Variants in DNMBP observed in about 807,000 individuals in gnomAD.
DNMBP encodes dynamin binding protein.
In DNMBP, 87 loss-of-function variants were observed where a neutral mutation model predicts 150.0. That is an observed-to-expected ratio of 0.58 (90% CI 0.49 to 0.69). The LOEUF is 0.69. DNMBP is among the 30% of genes least tolerant of loss of function. The pLI is 0.00. For missense variants in DNMBP, 1,774 were observed against 1,949.0 expected, an observed-to-expected ratio of 0.91 and a Z score of 1.69; for synonymous variants, 711 against 750.4, an observed-to-expected ratio of 0.95 and a Z score of 0.86.
At chr10:99,982,905 T>C (rs1011767561) in intron 1 of DNMBP, among the ~76,000 whole-genome samples, 7 of 150,636 alleles carry the variant, frequency 4.6e-5, no homozygotes, top group African/African-American at 7.3e-5. Flanking sequence ...GAAGTGGAGG[T>C]TGCAGCAAGC....
intron 1 of DNMBP, among the ~76,000 whole-genome samples, chr10:99,988,204 G>C (rs2133373824): frequency 6.6e-6 from 1 of 152,282 alleles, no homozygotes; most frequent in African/African-American, 2.4e-5. Flanking sequence ...TTGCATTCCT[G>C]GGATAAATTC....
At chr10:99,969,081 T>C (rs2040649188) in intron 3 of DNMBP, 34 bp downstream of exon 3, 3 of 1,606,936 alleles carry the variant, frequency 1.9e-6, no homozygotes, top group South Asian at 1.1e-5. Flanking sequence ...AAAAATCTAA[T>C]TTCAAATAGT....
intron 4 of DNMBP, among the ~76,000 whole-genome samples, chr10:99,911,456 C>A (rs2039897992): frequency 6.6e-6 from 1 of 152,016 alleles, no homozygotes; most frequent in African/African-American, 2.4e-5. Context: ...GCACTCCAGC[C>A]TGGGAGAACA....
chr10:99,879,531 G>A (rs2133186840), intron 16 of DNMBP, among the ~76,000 whole-genome samples: 1 of 152,310 alleles, frequency 6.6e-6, no homozygotes, highest in East Asian at 1.9e-4. Context: ...TACAACTGAA[G>A]AATTAGTGAA....
chr10:99,936,128 T>C (rs527979920), intron 4 of DNMBP, among the ~76,000 whole-genome samples: 2 of 152,334 alleles, frequency 1.3e-5, no homozygotes, highest in South Asian at 4.1e-4. Flanking sequence ...GAATAGCTTA[T>C]AATCAGATAA....
At chr10:99,945,926 T>C (rs760739005) in intron 4 of DNMBP, among the ~76,000 whole-genome samples, 1 of 152,220 alleles carries the variant, frequency 6.6e-6, no homozygotes, top group Non-Finnish European at 1.5e-5. Flanking sequence ...TGAGACAACA[T>C]GCAACCGAAC....
chr10:99,947,675 C>T (rs901420151), intron 4 of DNMBP, among the ~76,000 whole-genome samples: 3 of 152,110 alleles, frequency 2.0e-5, no homozygotes, highest in Non-Finnish European at 4.4e-5. Flanking sequence ...CAGCATTACA[C>T]AATATACCCT....
intron 3 of DNMBP, among the ~76,000 whole-genome samples, chr10:99,958,722 T>G (rs1027632790): frequency 2.6e-5 from 4 of 152,264 alleles, no homozygotes; most frequent in Non-Finnish European, 4.4e-5. Context: ...GGTCAACATT[T>G]GGAATAACTG....
At chr10:99,957,279 C>G (rs1288017640) in intron 3 of DNMBP, 74 bp from the exon 4 acceptor site, 8 of 1,323,524 alleles carry the variant, frequency 6.0e-6, no homozygotes, top group Non-Finnish European at 8.2e-6. Context: ...AATAGTGCAA[C>G]CTCTCATTTT....
Position 99,956,249 on chromosome 10 carries a change from C to T in DNMBP, c.1225G>A (p.Val409Ile), listed in dbSNP as rs1275548220. 2 of 1,613,594 alleles carry T rather than the reference C, an allele frequency of 1.2e-6. No homozygotes were observed. The highest frequency in any genetic ancestry group is 2.7e-5 in the African/African-American group (2 of 74,782). The change falls in exon 4 of 17, where the codon GTC becomes ATC. Residue 409 changes from valine (V) to isoleucine (I), a missense_variant. Coordinates refer to ENST00000324109, the MANE Select transcript of DNMBP (RefSeq NM_015221.4). ...DSPTSDPTEV[V>I]NGISSQPQVP... ...TGAGGTTGGGAGGAAATACCATTGA[C>T]TACTTCTGTAGGGTCAGATGTGGGA...
At chr10:99,944,889 G>C (rs2040340254) in intron 4 of DNMBP, among the ~76,000 whole-genome samples, 1 of 152,012 alleles carries the variant, frequency 6.6e-6, no homozygotes, top group Non-Finnish European at 1.5e-5. Context: ...ATTTGGATCA[G>C]TCTCTCATAG....
intron 4 of DNMBP, among the ~76,000 whole-genome samples, chr10:99,922,493 G>A (rs1589419703): frequency 7.2e-6 from 1 of 138,790 alleles, no homozygotes; most frequent in African/African-American, 2.7e-5. Context: ...ACATAACCTA[G>A]CTGCTGCTGT....
At position 99,971,963 on chromosome 10, in the gene DNMBP, A is replaced by G; in HGVS notation, c.145+17T>C. 2 of 1,608,850 alleles carry G rather than the reference A, an allele frequency of 1.2e-6. No homozygotes were observed. The highest frequency in any genetic ancestry group is 8.5e-7 in the Non-Finnish European group (1 of 1,178,184). ...AAGAAGTCAGGGCCTGTGGTCCACT[A>G]TGAGTCTCTTACTTACCTGTAACAT... On this transcript the variant is annotated intron_variant, in intron 2 of 16. Coordinates refer to ENST00000324109, the MANE Select transcript of DNMBP (RefSeq NM_015221.4).
At chr10:99,948,576 A>G (rs1185731124) in intron 4 of DNMBP, among the ~76,000 whole-genome samples, 1 of 152,166 alleles carries the variant, frequency 6.6e-6, no homozygotes, top group African/African-American at 2.4e-5. Context: ...AAAAATGAGA[A>G]CCCATGTGAC....
chr10:99,906,531 G>A (rs562418321), intron 6 of DNMBP, among the ~76,000 whole-genome samples: 1 of 152,176 alleles, frequency 6.6e-6, no homozygotes, highest in Admixed American at 6.5e-5. Context: ...TCAGGTTATA[G>A]AAGACTCTGT....
At chr10:99,991,616 T>C (rs1463847377) in intron 1 of DNMBP, among the ~76,000 whole-genome samples, 1 of 151,290 alleles carries the variant, frequency 6.6e-6, no homozygotes, top group Non-Finnish European at 1.5e-5. Context: ...CATGAAGACC[T>C]TGAAAACATT....
intron 11 of DNMBP, among the ~76,000 whole-genome samples, chr10:99,892,961 T>G (rs1247448647): frequency 1.3e-5 from 2 of 152,174 alleles, no homozygotes; most frequent in African/African-American, 4.8e-5. Context: ...CAAAGGACTA[T>G]ATCCTCCAAT....
intron 4 of DNMBP, among the ~76,000 whole-genome samples, chr10:99,947,177 A>G (rs2040366454): frequency 6.6e-6 from 1 of 152,222 alleles, no homozygotes; most frequent in African/African-American, 2.4e-5. Context: ...TAAGGGGCTA[A>G]AAGTAGAACT....
At position 99,884,126 on chromosome 10, in the gene DNMBP, C is replaced by T. The variant is rs1346196329; in HGVS notation, c.3882G>A (p.Arg1294=). Residue 1294 remains arginine, a synonymous_variant, in exon 15 of 17, where the codon CGG becomes CGA. Coordinates refer to ENST00000324109, the MANE Select transcript of DNMBP (RefSeq NM_015221.4). ...YPPEKLFQAE[R]NFNAAQDLDV... ...CCAAGTCTTGAGCAGCATTGAAGTT[C>T]CGTTCTGCCTGGAAGAGTTTTTCAG... is the stretch of plus-strand genomic sequence containing the variant. 4.3e-6 allele frequency: 7 copies of T among 1,614,008 alleles called. No homozygotes were observed. The African/African-American group carries it at 9.3e-5, about 22-fold the overall frequency.
Sources: allele counts gnomAD v4.1 joint callset (sites outside exome capture counted in the v4.1 genomes callset), GRCh38; gene constraint gnomAD v4.1.1; transcripts MANE v1.5; gene names NCBI Gene and HGNC (gene_info 2026-07-23, HGNC 2026-07-21).